Variants in FBXL13 observed in about 807,000 individuals in gnomAD.
FBXL13 encodes the protein F-box and leucine-rich repeat protein 13.
Under a neutral mutation model 83.6 loss-of-function variants are expected in FBXL13, and 67 were observed. The ratio of observed to expected loss-of-function variants is 0.80; its 90% CI spans 0.66 to 0.98. The LOEUF (loss-of-function observed/expected upper bound fraction) is 0.98. Among genes scored for constraint, FBXL13 ranks in the 50% least tolerant of loss-of-function variants. The pLI, the probability that FBXL13 is intolerant of heterozygous loss-of-function variation, is 0.00. For synonymous variants in FBXL13, 272 were observed against 299.5 expected, an observed-to-expected ratio of 0.91 and a Z score of 0.95; for missense variants, 822 against 866.5, an observed-to-expected ratio of 0.95 and a Z score of 0.64.
Position 102,973,306 on chromosome 7 carries a change from C to A in FBXL13, c.496-5189G>T, listed in dbSNP as rs555790244. On this transcript the variant is annotated intron_variant, in intron 6 of 19. Transcript: ENST00000313221. ...GGCACAAGGCCACTTGTACCAGCAGCGTGAGTCAGCAAGATAGCAGAAGCA... is the reference window on the plus strand; with the variant it reads ...GGCACAAGGCCACTTGTACCAGCAGAGTGAGTCAGCAAGATAGCAGAAGCA... 9.4e-6 allele frequency: 5 copies of A among 532,742 alleles called. No homozygotes were observed. In the East Asian group the frequency reaches 1.2e-4, roughly 13 times the overall value. The allele number at this position is 532,742 out of a possible 1,614,324, so 33.0% of individuals were successfully genotyped here.
chr7:102,954,265 AC>A (rs1264834652), intron 8 of FBXL13, among the ~76,000 whole-genome samples: 1 of 152,222 alleles, frequency 6.6e-6, no homozygotes, highest in Non-Finnish European at 1.5e-5. Flanking sequence ...ATAATTTTCA[AC>A]CCAGAATTTC....
At chr7:102,914,731 G>T (rs1002789356) in intron 10 of FBXL13, among the ~76,000 whole-genome samples, 2 of 152,208 alleles carry the variant, frequency 1.3e-5, no homozygotes, top group Non-Finnish European at 2.9e-5. Context: ...GAAGGCTTTG[G>T]ACTCACCAGT....
chr7:102,934,115 CA>C (rs773080027), intron 8 of FBXL13: 3 of 1,613,976 alleles, frequency 1.9e-6, no homozygotes, highest in Non-Finnish European at 2.5e-6. Flanking sequence ...CTTAGATTGT[CA>C]AGAAAGAAAA....
intron 10 of FBXL13, among the ~76,000 whole-genome samples, chr7:102,921,887 G>C (rs1689761194): frequency 6.6e-6 from 1 of 151,848 alleles, no homozygotes; most frequent in Admixed American, 6.6e-5. Context: ...CAAAAATTTT[G>C]CTCTAAATAT....
chr7:103,017,872 G>A (rs116632141), intron 6 of FBXL13, among the ~76,000 whole-genome samples: 296 of 152,254 alleles, frequency 1.9e-3, no homozygotes, highest in African/African-American at 6.4e-3. Flanking sequence ...AAAGTGACAG[G>A]GAGAAGAATC....
At chr7:103,062,592 G>A (rs1374400930) in intron 1 of FBXL13, among the ~76,000 whole-genome samples, 1 of 150,144 alleles carries the variant, frequency 6.7e-6, no homozygotes, top group Non-Finnish European at 1.5e-5. Flanking sequence ...CCTATCTTCA[G>A]GTGACTTAAA....
intron 11 of FBXL13, among the ~76,000 whole-genome samples, chr7:102,906,567 G>A (rs1488728367): frequency 6.6e-6 from 1 of 152,138 alleles, no homozygotes; most frequent in Non-Finnish European, 1.5e-5. Flanking sequence ...CTTTTGTCTA[G>A]GAAAGTATTT....
At chr7:103,054,579 T>C (rs6968109) in intron 2 of FBXL13, among the ~76,000 whole-genome samples, 1,662 of 152,266 alleles carry the variant, frequency 0.011, 34 homozygotes, top group African/African-American at 0.038. Context: ...TAGCTGCTGG[T>C]ACCAGTTTTC....
At chr7:102,945,670 G>C (rs77446067) in intron 8 of FBXL13, among the ~76,000 whole-genome samples, 5 of 152,142 alleles carry the variant, frequency 3.3e-5, no homozygotes, top group Non-Finnish European at 7.4e-5. Context: ...GTCATATTCT[G>C]CAAAGAGAAA....
Position 102,881,633 on chromosome 7 carries a change from G to A in FBXL13, c.1388+1672C>T, listed in dbSNP as rs149172460. On this transcript the variant is annotated intron_variant, in intron 14 of 19. Coordinates refer to ENST00000313221, the Ensembl canonical transcript of FBXL13. ...TATGTAACAAATTGATCCAAACTTT[G>A]TGGCTTAAATGGCAAACATTTATTA... Among the ~76,000 whole-genome samples the A allele has an allele frequency of 7.2e-5, 11 of 151,972 alleles. No homozygotes were observed. In the East Asian group the frequency reaches 2.1e-3, roughly 29 times the overall value.
chr7:103,019,617 C>T (rs887125873), intron 6 of FBXL13, among the ~76,000 whole-genome samples: 21 of 152,088 alleles, frequency 1.4e-4, no homozygotes, highest in African/African-American at 4.8e-4. Flanking sequence ...ATCAAATAGA[C>T]ACAATAAAAA....
intron 2 of FBXL13, among the ~76,000 whole-genome samples, chr7:103,033,031 C>A (rs1343532030): frequency 6.7e-6 from 1 of 149,830 alleles, no homozygotes; most frequent in East Asian, 1.9e-4. Flanking sequence ...CTCTCTCTCT[C>A]TGTCTGTCTG....
chr7:102,921,513 C>A (rs1363113724), intron 10 of FBXL13, among the ~76,000 whole-genome samples: 6 of 151,576 alleles, frequency 4.0e-5, no homozygotes, highest in African/African-American at 9.7e-5. Context: ...AACCCTGTCT[C>A]TACTAAAAAT....
intron 6 of FBXL13, among the ~76,000 whole-genome samples, chr7:102,995,879 A>G (rs1211423996): frequency 6.6e-6 from 1 of 152,222 alleles, no homozygotes; most frequent in Non-Finnish European, 1.5e-5. Flanking sequence ...AAAAACTGGC[A>G]ATGATTTCTA....
chr7:103,001,943 A>G (rs190480790), intron 6 of FBXL13, among the ~76,000 whole-genome samples: 1 of 152,228 alleles, frequency 6.6e-6, no homozygotes, highest in East Asian at 1.9e-4. Context: ...CTCCCTAATA[A>G]ACTCCCTTTT....
Position 102,839,240 on chromosome 7 carries a change from T to C in FBXL13, c.1720-6266A>G, listed in dbSNP as rs145319514. 2.9e-4 allele frequency among the ~76,000 whole-genome samples: 44 copies of C among 152,314 alleles called. 1 individual carries two copies. In the East Asian group the frequency reaches 7.5e-3, roughly 26 times the overall value. ...AACTTAATTGTGACACAGATTCCTT[T>C]GCTCACATTTTCTTGCTGACCTTCT... On this transcript the variant is annotated intron_variant, in intron 17 of 19. Transcript: ENST00000313221.
At chr7:103,015,133 A>T (rs1792133560) in intron 6 of FBXL13, among the ~76,000 whole-genome samples, 1 of 152,118 alleles carries the variant, frequency 6.6e-6, no homozygotes. Flanking sequence ...GCTTTCAATA[A>T]AATTCAACAT....
At chr7:102,886,521 C>A (rs1300435728) in intron 11 of FBXL13, among the ~76,000 whole-genome samples, 1 of 152,154 alleles carries the variant, frequency 6.6e-6, no homozygotes, top group Non-Finnish European at 1.5e-5. Flanking sequence ...GTGTTCCTGA[C>A]CCTTAGATTA....
intron 19 of FBXL13, among the ~76,000 whole-genome samples, chr7:102,815,563 T>C (rs553656826): frequency 1.3e-5 from 2 of 152,292 alleles, no homozygotes; most frequent in South Asian, 4.2e-4. Flanking sequence ...AGTTCACAGT[T>C]GTTCATAATC....
Sources: gnomAD v4.1 joint callset for allele counts (sites outside exome capture counted in the v4.1 genomes callset) on GRCh38, gnomAD v4.1.1 for gene constraint, MANE v1.5 for transcripts, NCBI Gene and HGNC (gene_info 2026-07-23, HGNC 2026-07-21) for gene names.